STK25: variants seen among roughly 807,000 people sequenced by gnomAD.
The protein encoded by STK25 is serine/threonine-protein kinase 25.
Under a neutral mutation model 53.8 loss-of-function variants are expected in STK25, and 29 were observed. The observed-to-expected ratio is 0.54, with a 90% CI of 0.40 to 0.74. The LOEUF (loss-of-function observed/expected upper bound fraction) is 0.74, where lower values mean the gene tolerates loss of function less well. Ranked by LOEUF, STK25 falls within the 30% of genes least tolerant of loss-of-function variation. The pLI is 0.00. For missense variants in STK25, 420 were observed against 568.0 expected, an observed-to-expected ratio of 0.74 and a Z score of 2.65; for synonymous variants, 247 against 238.3, an observed-to-expected ratio of 1.04 and a Z score of -0.33.
rs369894391 is a variant in STK25 at position 241,496,657 on chromosome 2, G to A, written c.1105-123C>T. 1.1e-5 allele frequency: 12 copies of A among 1,130,194 alleles called. No homozygotes were observed. Among genetic ancestry groups the A allele is most frequent in the Non-Finnish European group, 1.4e-5 (11 of 814,254 alleles). 70.0% of individuals were successfully genotyped at this position (1,130,194 alleles called of 1,614,324 possible). A position where few individuals can be genotyped will look rare whatever the true frequency, so the allele number is the denominator to read the frequency against. On this transcript the variant is annotated intron_variant, in intron 10 of 11. Coordinates refer to ENST00000316586, the MANE Select transcript of STK25 (RefSeq NM_001271977.2). This position sits in a 1 kb window ranked among gnomAD's most constrained non-coding sequence, Gnocchi z 5.8. ...GCTCTCGCCTAGGAGCCACACCCGG[G>A]AGCCCTTCAGCAAGCCGGGAAGTGA...
In STK25 at chr2:241,495,371, T is replaced by C. The variant is rs188467970; in HGVS notation, c.*291A>G. On this transcript the variant is annotated 3_prime_UTR_variant, in exon 12 of 12. Coordinates refer to ENST00000316586, the MANE Select transcript of STK25 (RefSeq NM_001271977.2). Reference sequence around the variant, plus strand: ...CATGAGTCTGCAGAAGACCCAGGCGTAGCTCATGAGGGCCACGCCGGCGGC... The same window carrying C: ...CATGAGTCTGCAGAAGACCCAGGCGCAGCTCATGAGGGCCACGCCGGCGGC... The C allele has an allele frequency of 2.3e-6, 1 of 441,142 alleles. No homozygotes were observed. The highest frequency in any genetic ancestry group is 2.0e-5 in the African/African-American group (1 of 50,392). The allele number at this position is 441,142 out of a possible 1,614,324, so 27.3% of individuals were successfully genotyped here. A position where few individuals can be genotyped will look rare whatever the true frequency, so the allele number is the denominator to read the frequency against.
In STK25 at chr2:241,498,524, G is replaced by GCCCC. The variant is rs2065314142; in HGVS notation, c.917+114_917+115insGGGG. ...GTCCTGCAGCCTTGAGGGGGTCCCTGCCCAACACTATATCTGGTCACCCTC... is the reference window on the plus strand; with the variant it reads ...GTCCTGCAGCCTTGAGGGGGTCCCTGCCCCCCCAACACTATATCTGGTCACCCTC... On this transcript the variant is annotated intron_variant, in intron 8 of 11. Transcript: ENST00000316586. 48 of 1,397,202 alleles carry GCCCC rather than the reference G, an allele frequency of 3.4e-5. No individual in the cohort carries two copies. In the South Asian group the frequency reaches 6.2e-4, roughly 18 times the overall value. The allele number at this position is 1,397,202 out of a possible 1,614,324, so 86.6% of individuals were successfully genotyped here.
rs1244421891 is a variant in STK25, at chr2:241,492,816, C to G, written c.*2846G>C. ...TGTTCATAGCAGTCCAGAGGTAAAA[C>G]CAAGGCCTCAGCTGGAGAAAGCATG... On this transcript the variant is annotated 3_prime_UTR_variant, in exon 12 of 12. Coordinates refer to ENST00000316586, the MANE Select transcript of STK25 (RefSeq NM_001271977.2). 1.5e-6 allele frequency: 1 copy of G among 665,726 alleles called. No individual in the cohort carries two copies. The highest frequency in any genetic ancestry group is 1.8e-5 in the African/African-American group (1 of 55,340). 41.2% of individuals were successfully genotyped at this position (665,726 alleles called of 1,614,324 possible). A position where few individuals can be genotyped will look rare whatever the true frequency, so the allele number is the denominator to read the frequency against.
chr2:241,494,433 C>T lies in STK25; in HGVS notation c.*1229G>A, dbSNP rs545982528. On this transcript the variant is annotated 3_prime_UTR_variant, in exon 12 of 12. Transcript: ENST00000316586. The surrounding 1 kb of genome is among the most constrained non-coding windows in gnomAD (Gnocchi z 4.9). ...GCAGACAAGGCCTGAGCAGTGCTCT[C>T]GGCATCGGACCAAAGCCTGGGCACA... is the stretch of plus-strand genomic sequence containing the variant. 13 of 216,926 alleles carry T rather than the reference C, an allele frequency of 6.0e-5. No individual in the cohort carries two copies. The highest frequency in any genetic ancestry group is 1.4e-4 in the African/African-American group (6 of 43,962). The allele number at this position is 216,926 out of a possible 1,614,324, so 13.4% of individuals were successfully genotyped here.
intron 2 of STK25, among the ~76,000 whole-genome samples, chr2:241,507,708 C>A (rs563808030): frequency 2.0e-4 from 30 of 152,378 alleles, no homozygotes; most frequent in African/African-American, 7.0e-4. Context: ...GGGGGCAGCG[C>A]CCCGTCCCTG....
chr2:241,499,234 A>G lies in STK25; in HGVS notation c.585+23T>C, dbSNP rs1408767122. 1.9e-6 allele frequency: 3 copies of G among 1,613,526 alleles called. No homozygotes were observed. The African/African-American group carries it at 4.0e-5, about 22-fold the overall frequency. ...CACCCGAGCCAGGCATGGTGCCCGC[A>G]CCTGCCCGCCCGCTGCACCCACCTT... On this transcript the variant is annotated intron_variant, in intron 6 of 11. Coordinates refer to ENST00000316586, the MANE Select transcript of STK25 (RefSeq NM_001271977.2).
Position 241,493,281 on chromosome 2 carries a change from G to A in STK25, c.*2381C>T. On this transcript the variant is annotated 3_prime_UTR_variant, in exon 12 of 12. Transcript: ENST00000316586. ...CAGCCCCTGGAACCCGTGTCCCTAT[G>A]CTGTCTTGCAGGATGACTACCCACT... The A allele has an allele frequency of 6.2e-7, 1 of 1,613,252 alleles. No individual in the cohort carries two copies.
intron 5 of STK25, chr2:241,499,818 A>T (rs969968422): frequency 5.1e-5 from 23 of 448,080 alleles, no homozygotes; most frequent in Non-Finnish European, 8.7e-5. Flanking sequence ...GTCCCTCCCC[A>T]TGGGCTGGCC....
upstream of STK25, chr2:241,509,346 C>G (rs750208172): frequency 6.6e-6 from 1 of 152,344 alleles, no homozygotes; most frequent in Non-Finnish European, 1.5e-5. Context: ...CCCCAGGGTC[C>G]GGGAGGGACT....
chr2:241,496,359 G>A lies in STK25; in HGVS notation c.1241+39C>T, dbSNP rs761440006. ...TCACCCCACGTCCAGCTTCTTGGTGGGGGTGCTCTCCCCGACCCTATGGCA... is the reference window on the plus strand; with the variant it reads ...TCACCCCACGTCCAGCTTCTTGGTGAGGGTGCTCTCCCCGACCCTATGGCA... On this transcript the variant is annotated intron_variant, in intron 11 of 11. Transcript: ENST00000316586. This position sits in a 1 kb window ranked among gnomAD's most constrained non-coding sequence, Gnocchi z 5.8. 1.8e-5 allele frequency: 28 copies of A among 1,591,112 alleles called. No individual in the cohort carries two copies. Among genetic ancestry groups the A allele is most frequent in the Admixed American group, 1.2e-4 (7 of 59,284 alleles).
chr2:241,493,266 A>C lies in STK25; in HGVS notation c.*2396T>G. Reference sequence around the variant, plus strand: ...TTCCCTGTGGCAACCCAGCCCCTGGAACCCGTGTCCCTATGCTGTCTTGCA... The same window carrying C: ...TTCCCTGTGGCAACCCAGCCCCTGGCACCCGTGTCCCTATGCTGTCTTGCA... On this transcript the variant is annotated 3_prime_UTR_variant, in exon 12 of 12. Coordinates refer to ENST00000316586, the MANE Select transcript of STK25 (RefSeq NM_001271977.2). 1 of 1,609,038 alleles carries C rather than the reference A, an allele frequency of 6.2e-7. No homozygotes were observed. Among genetic ancestry groups the C allele is most frequent in the Non-Finnish European group, 8.5e-7 (1 of 1,176,674 alleles).
At position 241,498,850 on chromosome 2, in the gene STK25, T is replaced by A. The variant is rs2065337370; in HGVS notation, c.772-66A>T. On this transcript the variant is annotated intron_variant, in intron 7 of 11. Transcript: ENST00000316586. ...AAGCTCTGCCTAAGGGAAGCAAACGTGAGGCAGCCTGGACCGGGGCGGGCC... is the reference window on the plus strand; with the variant it reads ...AAGCTCTGCCTAAGGGAAGCAAACGAGAGGCAGCCTGGACCGGGGCGGGCC... 3 of 1,608,008 alleles carry A rather than the reference T, an allele frequency of 1.9e-6. No individual in the cohort carries two copies. The East Asian group carries it at 6.7e-5, about 36-fold the overall frequency.
chr2:241,503,494 C>T (rs541967472), intron 2 of STK25, among the ~76,000 whole-genome samples: 102 of 150,910 alleles, frequency 6.8e-4, no homozygotes, highest in African/African-American at 2.4e-3. Context: ...GGGCAGATCA[C>T]GAGGTCAGGA....
Position 241,501,452 on chromosome 2 carries a change from G to A in STK25, c.261+26C>T. On this transcript the variant is annotated intron_variant, in intron 3 of 11. Coordinates refer to ENST00000316586, the MANE Select transcript of STK25 (RefSeq NM_001271977.2). The surrounding 1 kb of genome is among the most constrained non-coding windows in gnomAD (Gnocchi z 5.3). Reference sequence around the variant, plus strand: ...AGAGAGCCGGGCACAGCACCAGCAGGGTCCCCGCCTCCCCACAACAGGCAC... The same window carrying A: ...AGAGAGCCGGGCACAGCACCAGCAGAGTCCCCGCCTCCCCACAACAGGCAC... The A allele has an allele frequency of 1.2e-6, 2 of 1,603,606 alleles. No homozygotes were observed. The highest frequency in any genetic ancestry group is 1.7e-6 in the Non-Finnish European group (2 of 1,172,066).
Position 241,501,522 on chromosome 2 carries a change from ACT to A in STK25, c.215_216del (p.Gln72LeufsTer36). ...DIQQEITVLSQCDSPYITRYF... is the reference protein window; with the variant it reads ...DIQQEITVLSXCDSPYITRYF... Reference sequence around the variant, plus strand: ...TAGCGGGTGATGTAGGGGCTGTCGCACTGACTGAGGACAGTGATCTCCTGCTG... The same window carrying A: ...TAGCGGGTGATGTAGGGGCTGTCGCAGACTGAGGACAGTGATCTCCTGCTG... On this transcript the variant is annotated frameshift_variant, in exon 3 of 12. Coordinates refer to ENST00000316586, the MANE Select transcript of STK25 (RefSeq NM_001271977.2). LOFTEE classifies it high-confidence loss of function. The surrounding 1 kb of genome is among the most constrained non-coding windows in gnomAD (Gnocchi z 5.3). 1 of 1,614,096 alleles carries A rather than the reference ACT, an allele frequency of 6.2e-7. No individual in the cohort carries two copies. Among genetic ancestry groups the A allele is most frequent in the Admixed American group, 1.7e-5 (1 of 60,016 alleles).
Position 241,493,722 on chromosome 2 carries a change from G to C in STK25, c.*1940C>G. Reference sequence around the variant, plus strand: ...CGATTCTTCTGCCTCAGCCTCCTGAGTAACTGAGATTACAGGCATGCACGC... The same window carrying C: ...CGATTCTTCTGCCTCAGCCTCCTGACTAACTGAGATTACAGGCATGCACGC... On this transcript the variant is annotated 3_prime_UTR_variant, in exon 12 of 12. Coordinates refer to ENST00000316586, the MANE Select transcript of STK25 (RefSeq NM_001271977.2). The C allele has an allele frequency of 3.9e-6, 2 of 519,120 alleles. No homozygotes were observed. Among genetic ancestry groups the C allele is most frequent in the Non-Finnish European group, 6.9e-6 (2 of 291,368 alleles). The allele number at this position is 519,120 out of a possible 1,614,324, so 32.2% of individuals were successfully genotyped here. A position where few individuals can be genotyped will look rare whatever the true frequency, so the allele number is the denominator to read the frequency against.
At chr2:241,507,659 C>T (rs1286124841) in intron 2 of STK25, among the ~76,000 whole-genome samples, 1 of 152,270 alleles carries the variant, frequency 6.6e-6, no homozygotes, top group African/African-American at 2.4e-5. Flanking sequence ...CGACCTTCCA[C>T]TGCCTTCGGA....
At chr2:241,507,143 G>A (rs1194609569) in intron 2 of STK25, among the ~76,000 whole-genome samples, 1 of 152,204 alleles carries the variant, frequency 6.6e-6, no homozygotes, top group African/African-American at 2.4e-5. Context: ...TAGAGCCAAG[G>A]CATCAAGGAG....
chr2:241,499,042 T>C lies in STK25; in HGVS notation c.718A>G (p.Ser240Gly). The change falls in exon 7 of 12, where the codon AGC (serine) becomes GGC (glycine). Residue 240 changes from serine (S) to glycine (G), a missense_variant. Transcript: ENST00000316586. ...TCCACGAACTCCTTGAAGGGCTTGC[T>C]GTGCTGGCCCTCCAGTGTGGGTGGG... is the stretch of plus-strand genomic sequence containing the variant. The part of the protein sequence containing the change: ...NSPPTLEGQH[S>G]KPFKEFVEAC... 1 of 1,614,084 alleles carries C rather than the reference T, an allele frequency of 6.2e-7. No homozygotes were observed. Among genetic ancestry groups the C allele is most frequent in the Non-Finnish European group, 8.5e-7 (1 of 1,180,006 alleles).
Sources: allele counts gnomAD v4.1 joint callset (sites outside exome capture counted in the v4.1 genomes callset), GRCh38; gene constraint gnomAD v4.1.1; non-coding constraint Gnocchi (gnomAD v3.1); transcripts MANE v1.5; gene names NCBI Gene and HGNC (gene_info 2026-07-23, HGNC 2026-07-21).